CFAP77: variants seen among roughly 807,000 people sequenced by gnomAD.
CFAP77 encodes cilia- and flagella-associated protein 77.
In CFAP77, 25 loss-of-function variants were observed where a neutral mutation model predicts 31.1. That is an observed-to-expected ratio of 0.80 (90% CI 0.59 to 1.12). The LOEUF (loss-of-function observed/expected upper bound fraction) is 1.12. Ranked by LOEUF, CFAP77 falls within the 50% of genes most tolerant of loss-of-function variation. CFAP77 has a pLI of 0.00. For missense variants in CFAP77, 377 were observed against 397.3 expected (o/e 0.95, Z 0.44); for synonymous variants, 151 against 159.9 (o/e 0.94, Z 0.42).
Position 132,476,779 on chromosome 9 carries a change from A to G in CFAP77, c.196-21916A>G, listed in dbSNP as rs186948691. Among the ~76,000 whole-genome samples the G allele has an allele frequency of 6.5e-3, 994 of 152,250 alleles. 9 individuals are homozygous for G. Among genetic ancestry groups the G allele is most frequent in the African/African-American group, 0.022 (914 of 41,538 alleles). ...CAAGGAGCACCGCAGACTGCCAGCA[A>G]CCACCAGCAGCCGGGAGAGAGGCCT... On this transcript the variant is annotated intron_variant, in intron 1 of 5. Coordinates refer to ENST00000393216, the MANE Select transcript of CFAP77 (RefSeq NM_001282957.2).
intron 1 of CFAP77, among the ~76,000 whole-genome samples, chr9:132,451,029 C>T (rs1335857621): frequency 6.6e-6 from 1 of 152,170 alleles, no homozygotes; most frequent in Non-Finnish European, 1.5e-5. Context: ...AGAATGGAAG[C>T]AGGTCTGTGG....
At chr9:132,470,291 G>A (rs192704465) in intron 1 of CFAP77, among the ~76,000 whole-genome samples, 7 of 152,328 alleles carry the variant, frequency 4.6e-5, no homozygotes, top group African/African-American at 1.7e-4. Context: ...ATGCTAGGAG[G>A]GAAGTGCCCT....
At chr9:132,489,834 G>A (rs1042535568) in intron 1 of CFAP77, among the ~76,000 whole-genome samples, 4 of 152,148 alleles carry the variant, frequency 2.6e-5, no homozygotes, top group African/African-American at 7.2e-5. Context: ...ATGGGGCACC[G>A]GGTGGCTGAT....
Position 132,459,647 on chromosome 9 carries a change from G to T in CFAP77, c.196-39048G>T, listed in dbSNP as rs1851006032. On this transcript the variant is annotated intron_variant, in intron 1 of 5. Coordinates refer to ENST00000393216, the MANE Select transcript of CFAP77 (RefSeq NM_001282957.2). ...TATGTGTGTATACATGTGTATGTAT[G>T]TGTGTATATGTCTCATGTGTGCATA... Among the ~76,000 whole-genome samples the T allele has an allele frequency of 2.0e-5, 3 of 147,882 alleles. No homozygotes were observed. The South Asian group carries it at 6.4e-4, about 31-fold the overall frequency.
intron 3 of CFAP77, among the ~76,000 whole-genome samples, chr9:132,518,082 AG>A (rs1852180537): frequency 6.6e-6 from 1 of 152,114 alleles, no homozygotes; most frequent in Non-Finnish European, 1.5e-5. Context: ...AGCTCTTAGC[AG>A]GGGCCCTGTC....
At chr9:132,504,401 C>T (rs1235679925) in intron 3 of CFAP77, among the ~76,000 whole-genome samples, 1 of 152,206 alleles carries the variant, frequency 6.6e-6, no homozygotes, top group Non-Finnish European at 1.5e-5. Flanking sequence ...CAAGTGGCCA[C>T]AATTCCAGGG....
chr9:132,556,734 A>G (rs1435260324), intron 5 of CFAP77, among the ~76,000 whole-genome samples: 1 of 152,140 alleles, frequency 6.6e-6, no homozygotes, highest in African/African-American at 2.4e-5. Context: ...GTGGGCGATC[A>G]TTTTGGGCCC....
At chr9:132,507,264 G>A (rs1030639907) in intron 3 of CFAP77, among the ~76,000 whole-genome samples, 1 of 152,206 alleles carries the variant, frequency 6.6e-6, no homozygotes, top group African/African-American at 2.4e-5. Flanking sequence ...GGAGGCCTTC[G>A]TGGAGTTGCT....
At chr9:132,465,040 C>T (rs1851125481) in intron 1 of CFAP77, among the ~76,000 whole-genome samples, 2 of 144,242 alleles carry the variant, frequency 1.4e-5, no homozygotes, top group Admixed American at 1.4e-4. Flanking sequence ...TGCCATTACA[C>T]TCCAGCCTGG....
intron 5 of CFAP77, 50 bp from the exon 6 acceptor site, chr9:132,572,338 G>C: frequency 6.3e-7 from 1 of 1,584,442 alleles, no homozygotes; most frequent in Non-Finnish European, 8.6e-7. Flanking sequence ...ACTGGAATGA[G>C]CTACACTGAA....
chr9:132,450,814 G>A (rs774977367), intron 1 of CFAP77, among the ~76,000 whole-genome samples: 1 of 152,212 alleles, frequency 6.6e-6, no homozygotes, highest in South Asian at 2.1e-4. Context: ...CGGGTAAGCC[G>A]GGAGGCTCAG....
chr9:132,478,952 T>C (rs1287642825), intron 1 of CFAP77, among the ~76,000 whole-genome samples: 1 of 152,224 alleles, frequency 6.6e-6, no homozygotes, highest in Non-Finnish European at 1.5e-5. Context: ...CCATTGAATA[T>C]GACTAGCATT....
At chr9:132,534,069 G>A (rs1461860670) in intron 3 of CFAP77, among the ~76,000 whole-genome samples, 1 of 152,008 alleles carries the variant, frequency 6.6e-6, no homozygotes, top group Non-Finnish European at 1.5e-5. Context: ...TTGATAACTG[G>A]GGTCAATTTT....
At position 132,498,166 on chromosome 9, in the gene CFAP77, A is replaced by G. The variant is rs1851775934; in HGVS notation, c.196-529A>G. On this transcript the variant is annotated intron_variant, in intron 1 of 5. Coordinates refer to ENST00000393216, the MANE Select transcript of CFAP77 (RefSeq NM_001282957.2). This position sits in a 1 kb window ranked among gnomAD's most constrained non-coding sequence, Gnocchi z 4.2. Reference sequence around the variant, plus strand: ...ATCTGGCCAGGTGCAGATGGGTGGCAGTGGCCCTGTCACTGTGTCTTCCCC... The same window carrying G: ...ATCTGGCCAGGTGCAGATGGGTGGCGGTGGCCCTGTCACTGTGTCTTCCCC... Among the ~76,000 whole-genome samples the G allele has an allele frequency of 6.6e-6, 1 of 152,116 alleles. No individual in the cohort carries two copies. Among genetic ancestry groups the G allele is most frequent in the African/African-American group, 2.4e-5 (1 of 41,432 alleles).
chr9:132,477,241 G>T (rs981700231), intron 1 of CFAP77, among the ~76,000 whole-genome samples: 3 of 152,190 alleles, frequency 2.0e-5, no homozygotes, highest in African/African-American at 7.2e-5. Context: ...TGACTAATCT[G>T]TAAACCCGGC....
chr9:132,431,411 G>A (rs1253204664), intron 1 of CFAP77, among the ~76,000 whole-genome samples: 1 of 152,192 alleles, frequency 6.6e-6, no homozygotes, highest in East Asian at 1.9e-4. Context: ...ACTCTCAAGT[G>A]AAAACATATA....
chr9:132,519,671 GATGGATGGATGA>G (rs1424197547), intron 3 of CFAP77, among the ~76,000 whole-genome samples: 32 of 123,926 alleles, frequency 2.6e-4, no homozygotes, highest in Non-Finnish European at 3.6e-4. Flanking sequence ...TGGATGGATG[GATGGATGGATGA>G]GTGGGTGGGT....
chr9:132,436,910 G>T (rs1445403406), intron 1 of CFAP77, among the ~76,000 whole-genome samples: 1 of 152,118 alleles, frequency 6.6e-6, no homozygotes, highest in Non-Finnish European at 1.5e-5. Flanking sequence ...GCCAGGAAGT[G>T]AGCTCTGAAA....
chr9:132,472,620 C>A (rs532417220), intron 1 of CFAP77, among the ~76,000 whole-genome samples: 2 of 152,094 alleles, frequency 1.3e-5, no homozygotes, highest in Non-Finnish European at 2.9e-5. Context: ...ATTAGCTGGG[C>A]GTGGTGCAGC....
Sources: gnomAD v4.1 joint callset for allele counts (sites outside exome capture counted in the v4.1 genomes callset) on GRCh38, gnomAD v4.1.1 for gene constraint, Gnocchi (gnomAD v3.1) non-coding constraint, MANE v1.5 for transcripts, NCBI Gene and HGNC (gene_info 2026-07-23, HGNC 2026-07-21) for gene names.